Variants in TAFA1 observed in about 807,000 individuals in gnomAD.
TAFA1 encodes the protein chemokine-like protein TAFA-1.
In TAFA1, 4 loss-of-function variants were observed where a neutral mutation model predicts 18.5. The observed-to-expected ratio is 0.22, with a 90% CI of 0.11 to 0.49. The LOEUF (loss-of-function observed/expected upper bound fraction) is 0.49, where lower values mean the gene tolerates loss of function less well. Among genes scored for constraint, TAFA1 ranks in the 20% least tolerant of loss-of-function variants. The pLI, the probability that TAFA1 is intolerant of heterozygous loss-of-function variation, is 0.98. For synonymous variants in TAFA1, 56 were observed against 55.2 expected, an observed-to-expected ratio of 1.01 and a Z score of -0.06; for missense variants, 147 against 169.0, an observed-to-expected ratio of 0.87 and a Z score of 0.72.
In TAFA1 at chr3:68,018,836, G is replaced by A. The variant is rs1704622366; in HGVS notation, c.118+12092G>A. Among the ~76,000 whole-genome samples the A allele has an allele frequency of 2.0e-5, 3 of 152,274 alleles. No individual in the cohort carries two copies. In the South Asian group the frequency reaches 6.2e-4, roughly 32 times the overall value. On this transcript the variant is annotated intron_variant, in intron 2 of 4. Transcript: ENST00000478136. ...TCACCTAGCTTGGGAGGGCAAGTTG[G>A]GAGTTTTGCCAGCTTCTGAATAATG... is the stretch of plus-strand genomic sequence containing the variant.
chr3:68,301,143 C>CCCCA lies in TAFA1; in HGVS notation c.119-116133_119-116130dup, dbSNP rs367988380. Among the ~76,000 whole-genome samples, 769 of 152,198 alleles carry CCCCA rather than the reference C, an allele frequency of 5.1e-3. 2 individuals are homozygous for CCCCA. Among genetic ancestry groups the CCCCA allele is most frequent in the Middle Eastern group, 0.02 (6 of 294 alleles). On this transcript the variant is annotated intron_variant, in intron 2 of 4. Coordinates refer to ENST00000478136, the MANE Select transcript of TAFA1 (RefSeq NM_213609.4). ...ATTTAATGAAACATTTCAATCCTAA[C>CCCCA]CCCACCCCCAATTTATACTGTTCCC...
chr3:68,387,732 T>C (rs1363761106), intron 2 of TAFA1, among the ~76,000 whole-genome samples: 2 of 151,062 alleles, frequency 1.3e-5, no homozygotes, highest in Admixed American at 1.3e-4. Flanking sequence ...ATTCCCCATA[T>C]GAGGTCCATC....
intron 2 of TAFA1, among the ~76,000 whole-genome samples, chr3:68,315,429 A>T (rs1434364738): frequency 6.6e-6 from 1 of 152,050 alleles, no homozygotes. Context: ...TGGGGCGCGG[A>T]AATAGTTTTG....
chr3:68,346,041 C>A (rs894436508), intron 2 of TAFA1, among the ~76,000 whole-genome samples: 1 of 152,128 alleles, frequency 6.6e-6, no homozygotes. Context: ...TTCCTTGGGA[C>A]CTCACTAGCT....
At chr3:68,218,743 T>C (rs1358927042) in intron 2 of TAFA1, among the ~76,000 whole-genome samples, 3 of 152,132 alleles carry the variant, frequency 2.0e-5, no homozygotes, top group Non-Finnish European at 2.9e-5. Flanking sequence ...ACACATTGAC[T>C]TGTGAGGTGA....
intron 2 of TAFA1, among the ~76,000 whole-genome samples, chr3:68,117,750 T>G (rs181194801): frequency 6.6e-6 from 1 of 152,356 alleles, no homozygotes; most frequent in East Asian, 1.9e-4. Context: ...AAGTGTTATG[T>G]CTTAAAAATT....
At chr3:68,064,830 T>TGCA (rs1436208815) in intron 2 of TAFA1, among the ~76,000 whole-genome samples, 1 of 152,050 alleles carries the variant, frequency 6.6e-6, no homozygotes, top group Non-Finnish European at 1.5e-5. Context: ...TCAGCAAAGA[T>TGCA]GCAAGCTCTA....
chr3:68,290,057 A>G (rs950008350), intron 2 of TAFA1, among the ~76,000 whole-genome samples: 1 of 152,228 alleles, frequency 6.6e-6, no homozygotes, highest in Non-Finnish European at 1.5e-5. Flanking sequence ...CTTTAGTTTC[A>G]TAGTATCATG....
chr3:68,483,304 G>A (rs931698753), intron 3 of TAFA1, among the ~76,000 whole-genome samples: 9 of 103,632 alleles, frequency 8.7e-5, no homozygotes, highest in Non-Finnish European at 1.4e-4. Flanking sequence ...ACCAAGTATG[G>A]TCTCTTTCAA....
At chr3:68,388,141 G>A (rs1039215906) in intron 2 of TAFA1, among the ~76,000 whole-genome samples, 1 of 152,092 alleles carries the variant, frequency 6.6e-6, no homozygotes, top group Non-Finnish European at 1.5e-5. Flanking sequence ...AGAAAAATTA[G>A]GGTCAGAGAA....
At chr3:68,180,366 T>C (rs913589238) in intron 2 of TAFA1, among the ~76,000 whole-genome samples, 34 of 152,020 alleles carry the variant, frequency 2.2e-4, no homozygotes, top group African/African-American at 6.5e-4. Context: ...GTCAGACTCA[T>C]GTTGAGCTGG....
intron 2 of TAFA1, among the ~76,000 whole-genome samples, chr3:68,304,416 A>G (rs2068368819): frequency 1.3e-5 from 2 of 152,206 alleles, no homozygotes; most frequent in Non-Finnish European, 2.9e-5. Context: ...TAGTATGGCT[A>G]TATTTTTCAG....
chr3:68,516,839 T>G (rs761878698), intron 3 of TAFA1, among the ~76,000 whole-genome samples: 1 of 152,092 alleles, frequency 6.6e-6, no homozygotes, highest in African/African-American at 2.4e-5. Context: ...CAATGGAGCA[T>G]CTCAGCTCTC....
chr3:68,022,966 G>T (rs1256721902), intron 2 of TAFA1, among the ~76,000 whole-genome samples: 110 of 122,022 alleles, frequency 9.0e-4, no homozygotes, highest in African/African-American at 3.1e-3. Context: ...AGTTACTCTT[G>T]TTTTTTTTTT....
intron 3 of TAFA1, among the ~76,000 whole-genome samples, chr3:68,469,590 G>A (rs867522382): frequency 4.6e-5 from 7 of 152,166 alleles, no homozygotes; most frequent in Non-Finnish European, 8.8e-5. Context: ...GGAGAATGGC[G>A]TGAACCCGGG....
At chr3:68,258,614 A>C (rs936276548) in intron 2 of TAFA1, among the ~76,000 whole-genome samples, 2 of 152,174 alleles carry the variant, frequency 1.3e-5, no homozygotes, top group East Asian at 3.8e-4. Context: ...GAAACTCCAG[A>C]TAATGCTTAT....
intron 2 of TAFA1, among the ~76,000 whole-genome samples, chr3:68,294,576 T>C (rs1183940532): frequency 1.3e-5 from 2 of 152,190 alleles, no homozygotes; most frequent in African/African-American, 2.4e-5. Context: ...AATTTACATT[T>C]AAATAAGATT....
At position 68,058,618 on chromosome 3, in the gene TAFA1, T is replaced by A. The variant is rs536864584; in HGVS notation, c.118+51874T>A. On this transcript the variant is annotated intron_variant, in intron 2 of 4. Transcript: ENST00000478136. ...CACTGCTGAGTCAATTTTGAAAATA[T>A]AATAAGTTTCTAAATTCCAGAGGTA... Among the ~76,000 whole-genome samples the A allele has an allele frequency of 9.8e-5, 15 of 152,308 alleles. No individual in the cohort carries two copies. In the South Asian group the frequency reaches 1.0e-3, roughly 11 times the overall value.
chr3:68,174,726 C>T (rs1192768576), intron 2 of TAFA1, among the ~76,000 whole-genome samples: 2 of 152,068 alleles, frequency 1.3e-5, no homozygotes, highest in Admixed American at 1.3e-4. Flanking sequence ...AAATTTGTAG[C>T]CTAACAATGC....
Sources: gnomAD v4.1 joint callset for allele counts (sites outside exome capture counted in the v4.1 genomes callset) on GRCh38, gnomAD v4.1.1 for gene constraint, MANE v1.5 for transcripts, NCBI Gene and HGNC (gene_info 2026-07-23, HGNC 2026-07-21) for gene names.